PARD3B: variants seen among roughly 807,000 people sequenced by gnomAD.
The protein encoded by PARD3B is partitioning defective 3 homolog B.
PARD3B carries 103 observed loss-of-function variants against 130.2 expected under a neutral mutation model. The ratio of observed to expected loss-of-function variants is 0.79; its 90% confidence interval spans 0.67 to 0.93. PARD3B has a LOEUF of 0.93. Ranked by LOEUF, PARD3B falls within the 40% of genes least tolerant of loss-of-function variation. The pLI is 0.00. For missense variants in PARD3B, 1,609 were observed against 1,499.2 expected, an observed-to-expected ratio of 1.07 and a Z score of -1.21; for synonymous variants, 583 against 553.2, an observed-to-expected ratio of 1.05 and a Z score of -0.76.
intron 15 of PARD3B, among the ~76,000 whole-genome samples, chr2:205,196,868 A>T (rs2036709323): frequency 6.6e-6 from 1 of 151,968 alleles, no homozygotes; most frequent in Non-Finnish European, 1.5e-5. Flanking sequence ...TCTTGCTATT[A>T]TGTCTTGTTT....
chr2:205,184,781 CAT>C (rs145704386), intron 13 of PARD3B, among the ~76,000 whole-genome samples: 2,553 of 149,806 alleles, frequency 0.017, 49 homozygotes, highest in African/African-American at 0.04. Flanking sequence ...CACACACACA[CAT>C]ATATATATAT....
chr2:204,759,362 G>A (rs1292032255), intron 2 of PARD3B, among the ~76,000 whole-genome samples: 1 of 152,032 alleles, frequency 6.6e-6, no homozygotes, highest in African/African-American at 2.4e-5. Context: ...CGCACCCACA[G>A]TTTCATTCCA....
intron 3 of PARD3B, among the ~76,000 whole-genome samples, chr2:205,040,558 A>G (rs1323309728): frequency 6.6e-6 from 1 of 152,180 alleles, no homozygotes; most frequent in Non-Finnish European, 1.5e-5. Flanking sequence ...AAAGTCTGTT[A>G]AGGAAATGTA....
rs191603114 is a variant in PARD3B, at chr2:205,557,093, C to T, written c.3260+3690C>T. Among the ~76,000 whole-genome samples, 73 of 152,262 alleles carry T rather than the reference C, an allele frequency of 4.8e-4. 1 individual carries two copies. The highest frequency in any genetic ancestry group is 1.7e-3 in the African/African-American group (70 of 41,572). Reference sequence around the variant, plus strand: ...CTGTGCATCGGCGCATGATATTGCTCTTCCGGACTTAGAATCAAGTGTGGA... The same window carrying T: ...CTGTGCATCGGCGCATGATATTGCTTTTCCGGACTTAGAATCAAGTGTGGA... On this transcript the variant is annotated intron_variant, in intron 22 of 22. Transcript: ENST00000406610.
At chr2:205,379,822 C>A (rs1315250241) in intron 18 of PARD3B, among the ~76,000 whole-genome samples, 6 of 151,946 alleles carry the variant, frequency 3.9e-5, no homozygotes, top group Non-Finnish European at 7.4e-5. Flanking sequence ...ATAATCCCAG[C>A]ACTTTGTGAG....
At chr2:205,034,477 C>G (rs2125370767) in intron 3 of PARD3B, among the ~76,000 whole-genome samples, 1 of 152,266 alleles carries the variant, frequency 6.6e-6, no homozygotes, top group African/African-American at 2.4e-5. Flanking sequence ...CTGATGTATC[C>G]AAAATGCCTG....
chr2:205,156,341 A>C (rs1238176399), intron 10 of PARD3B, among the ~76,000 whole-genome samples: 2 of 151,788 alleles, frequency 1.3e-5, no homozygotes, highest in Admixed American at 6.6e-5. Context: ...GCAGCACACC[A>C]GCATGGCACA....
At chr2:204,776,155 A>G (rs1376752711) in intron 2 of PARD3B, among the ~76,000 whole-genome samples, 1 of 152,156 alleles carries the variant, frequency 6.6e-6, no homozygotes, top group Non-Finnish European at 1.5e-5. Context: ...AATATTATTG[A>G]ATGACACAAT....
At chr2:205,087,530 C>G (rs1249242653) in intron 4 of PARD3B, among the ~76,000 whole-genome samples, 2 of 151,864 alleles carry the variant, frequency 1.3e-5, no homozygotes, top group East Asian at 3.9e-4. Context: ...ATATTATGGA[C>G]AAAATTTGGA....
At chr2:204,617,731 G>C (rs1287433020) in intron 1 of PARD3B, among the ~76,000 whole-genome samples, 2 of 152,136 alleles carry the variant, frequency 1.3e-5, no homozygotes, top group Non-Finnish European at 2.9e-5. Flanking sequence ...GATGTCTGCT[G>C]TTCCCTTCTT....
At chr2:204,965,073 A>G in intron 2 of PARD3B, 79 bp from the exon 3 acceptor site, 3 of 1,386,064 alleles carry the variant, frequency 2.2e-6, no homozygotes, top group Non-Finnish European at 2.9e-6. Context: ...CAACCAAATA[A>G]AGATCACGTT....
At chr2:204,756,839 G>A (rs549039472) in intron 2 of PARD3B, among the ~76,000 whole-genome samples, 9 of 152,152 alleles carry the variant, frequency 5.9e-5, no homozygotes, top group Middle Eastern at 3.4e-3. Flanking sequence ...TCTGAGGTTT[G>A]GGCTTCTAAT....
intron 1 of PARD3B, among the ~76,000 whole-genome samples, chr2:204,659,711 T>G (rs571247103): frequency 6.6e-6 from 1 of 152,194 alleles, no homozygotes; most frequent in African/African-American, 2.4e-5. Context: ...GTTGGCACTG[T>G]GATCCAGGCT....
chr2:205,583,243 G>T (rs2106576396), intron 22 of PARD3B, among the ~76,000 whole-genome samples: 1 of 152,338 alleles, frequency 6.6e-6, no homozygotes, highest in Admixed American at 6.5e-5. Context: ...GAATGGATGG[G>T]AGAAACAGAG....
At position 205,366,271 on chromosome 2, in the gene PARD3B, G is replaced by A. The variant is rs1361504172; in HGVS notation, c.2631-34742G>A. ...GACAGCCCATAGCGCTTTGTTTGAA[G>A]GAGTTAGAATTTTAAATTTTTCCTG... On this transcript the variant is annotated intron_variant, in intron 18 of 22. Transcript: ENST00000406610. This position sits in a 1 kb window ranked among gnomAD's most constrained non-coding sequence, Gnocchi z 5.0. Among the ~76,000 whole-genome samples, 1 of 152,164 alleles carries A rather than the reference G, an allele frequency of 6.6e-6. No individual in the cohort carries two copies. The highest frequency in any genetic ancestry group is 1.5e-5 in the Non-Finnish European group (1 of 68,040).
chr2:205,262,942 C>T (rs1310471506), intron 16 of PARD3B, among the ~76,000 whole-genome samples: 5 of 151,982 alleles, frequency 3.3e-5, no homozygotes, highest in South Asian at 2.1e-4. Context: ...GTATATCAGC[C>T]GTCAGGGCTT....
chr2:205,214,010 G>T (rs984362137), intron 15 of PARD3B, among the ~76,000 whole-genome samples: 1 of 151,896 alleles, frequency 6.6e-6, no homozygotes, highest in Non-Finnish European at 1.5e-5. Flanking sequence ...ATTGTTTGTG[G>T]CCCCTCCTAG....
intron 18 of PARD3B, among the ~76,000 whole-genome samples, chr2:205,385,232 A>T (rs887276404): frequency 1.3e-5 from 2 of 152,110 alleles, no homozygotes. Flanking sequence ...CTTTTTTTCA[A>T]GTACTTCTTA....
intron 19 of PARD3B, among the ~76,000 whole-genome samples, chr2:205,420,119 ACTCT>A (rs1407228066): frequency 6.6e-6 from 1 of 151,984 alleles, no homozygotes. Flanking sequence ...AAAAGTATCT[ACTCT>A]CTGTCTAGGG....
Sources: allele counts gnomAD v4.1 joint callset (sites outside exome capture counted in the v4.1 genomes callset), GRCh38; gene constraint gnomAD v4.1.1; non-coding constraint Gnocchi (gnomAD v3.1); transcripts MANE v1.5; gene names NCBI Gene and HGNC (gene_info 2026-07-23, HGNC 2026-07-21).